Variants in FSTL4 observed in about 807,000 individuals in gnomAD.
The protein encoded by FSTL4 is follistatin like 4, also known as follistatin-related protein 4.
FSTL4 carries 28 observed loss-of-function variants against 78.2 expected under a neutral mutation model. The observed-to-expected ratio is 0.36, with a 90% CI of 0.27 to 0.49. The LOEUF is 0.49. Among genes scored for constraint, FSTL4 ranks in the 20% least tolerant of loss-of-function variants. The pLI is 0.98. For missense variants in FSTL4, 922 were observed against 1,084.9 expected (o/e 0.85, Z 2.11); for synonymous variants, 422 against 440.5 (o/e 0.96, Z 0.53).
intron 14 of FSTL4, among the ~76,000 whole-genome samples, chr5:133,204,354 C>T (rs1750424396): frequency 1.3e-5 from 2 of 152,188 alleles, no homozygotes; most frequent in African/African-American, 4.8e-5. Context: ...ACAAATCCTT[C>T]AGTGTTGGAT....
the FSTL4 span, among the ~76,000 whole-genome samples, chr5:133,761,343 A>G: frequency 1.3e-5 from 2 of 152,184 alleles, no homozygotes; most frequent in African/African-American, 2.4e-5. Flanking sequence ...TAGGACAAAT[A>G]CAGGGTAGGC....
At chr5:133,291,830 T>A (rs1322880930) in intron 6 of FSTL4, among the ~76,000 whole-genome samples, 1 of 151,474 alleles carries the variant, frequency 6.6e-6, no homozygotes, top group Non-Finnish European at 1.5e-5. Context: ...GGCCATGGAG[T>A]TGATGAGAAG....
intron 4 of FSTL4, among the ~76,000 whole-genome samples, chr5:133,382,300 C>T (rs1022188334): frequency 6.6e-6 from 1 of 152,202 alleles, no homozygotes; most frequent in African/African-American, 2.4e-5. Context: ...GGATGTACTG[C>T]GTGAGTGAGA....
intron 4 of FSTL4, among the ~76,000 whole-genome samples, chr5:133,329,866 C>T (rs1754302086): frequency 6.6e-6 from 1 of 152,218 alleles, no homozygotes; most frequent in Admixed American, 6.5e-5. Context: ...AGCAAAACAT[C>T]TGGTTACTAT....
rs1750944868 is a variant in FSTL4 at position 133,217,391 on chromosome 5, T to C, written c.1459-13A>G. The C allele has an allele frequency of 1.9e-6, 3 of 1,613,346 alleles. No individual in the cohort carries two copies. Among genetic ancestry groups the C allele is most frequent in the African/African-American group, 2.7e-5 (2 of 75,044 alleles). On this transcript the variant is annotated splice_polypyrimidine_tract_variant and intron_variant, in intron 12 of 15. Coordinates refer to ENST00000265342, the MANE Select transcript of FSTL4 (RefSeq NM_015082.2). ...GACAGATTTCTTCCTGCAAAGGAGATAGGCTGTCATATATCTTCTTAATTG... is the reference window on the plus strand; with the variant it reads ...GACAGATTTCTTCCTGCAAAGGAGACAGGCTGTCATATATCTTCTTAATTG...
At chr5:133,809,867 A>G in the FSTL4 span, among the ~76,000 whole-genome samples, 1 of 152,222 alleles carries the variant, frequency 6.6e-6, no homozygotes, top group Admixed American at 6.5e-5. Context: ...CAACCAGTCC[A>G]GAGACATTAA....
At chr5:133,442,031 A>G (rs1295384751) in intron 3 of FSTL4, among the ~76,000 whole-genome samples, 1 of 152,196 alleles carries the variant, frequency 6.6e-6, no homozygotes, top group Non-Finnish European at 1.5e-5. Flanking sequence ...GCGAAATCCC[A>G]TTCTGTGGAT....
chr5:133,827,487 G>A, the FSTL4 span, among the ~76,000 whole-genome samples: 3 of 152,108 alleles, frequency 2.0e-5, no homozygotes, highest in Non-Finnish European at 2.9e-5. Flanking sequence ...AGTTTCTGAC[G>A]AGGAGGATTG....
the FSTL4 span, among the ~76,000 whole-genome samples, chr5:133,757,029 C>T: frequency 1.3e-5 from 2 of 152,170 alleles, no homozygotes; most frequent in African/African-American, 2.4e-5. Flanking sequence ...ATATCTGGCT[C>T]GCCATGCTTA....
At chr5:133,562,762 C>T (rs920603636) in intron 3 of FSTL4, among the ~76,000 whole-genome samples, 4 of 152,216 alleles carry the variant, frequency 2.6e-5, no homozygotes, top group African/African-American at 9.6e-5. Context: ...GCTTACAGAT[C>T]GTCCTATGCT....
At chr5:133,344,327 T>A (rs1754651409) in intron 4 of FSTL4, among the ~76,000 whole-genome samples, 1 of 152,226 alleles carries the variant, frequency 6.6e-6, no homozygotes, top group African/African-American at 2.4e-5. Context: ...TTTTACCTCA[T>A]TACATTCTGT....
At chr5:133,644,995 T>A in the FSTL4 span, among the ~76,000 whole-genome samples, 1 of 152,150 alleles carries the variant, frequency 6.6e-6, no homozygotes, top group Non-Finnish European at 1.5e-5. Context: ...TCTGTGAATG[T>A]TATTTCCTCC....
the FSTL4 span, among the ~76,000 whole-genome samples, chr5:133,704,921 G>T: frequency 6.6e-6 from 1 of 152,238 alleles, no homozygotes; most frequent in Non-Finnish European, 1.5e-5. Context: ...ACATGAAAAC[G>T]CATTTGCCTG....
At chr5:133,789,241 G>A in the FSTL4 span, among the ~76,000 whole-genome samples, 8 of 152,288 alleles carry the variant, frequency 5.3e-5, no homozygotes, top group African/African-American at 1.2e-4. Flanking sequence ...ATCTGCATCC[G>A]AAGGGAACCT....
intron 3 of FSTL4, among the ~76,000 whole-genome samples, chr5:133,448,535 G>A (rs988895940): frequency 3.9e-5 from 6 of 152,218 alleles, no homozygotes; most frequent in African/African-American, 1.2e-4. Context: ...GCACACAGAA[G>A]TTAAAGGGCG....
intron 3 of FSTL4, among the ~76,000 whole-genome samples, chr5:133,420,282 GT>G (rs1272846217): frequency 6.6e-6 from 1 of 152,146 alleles, no homozygotes; most frequent in Non-Finnish European, 1.5e-5. Flanking sequence ...CATTTTCTAG[GT>G]TGATAGCAAT....
chr5:133,441,965 G>C (rs1757167247), intron 3 of FSTL4, among the ~76,000 whole-genome samples: 1 of 152,226 alleles, frequency 6.6e-6, no homozygotes, highest in Non-Finnish European at 1.5e-5. Flanking sequence ...TGAGTTGCTG[G>C]CATTGTACCC....
chr5:133,406,921 C>T (rs1756378594), intron 3 of FSTL4, among the ~76,000 whole-genome samples: 2 of 152,196 alleles, frequency 1.3e-5, no homozygotes, highest in Non-Finnish European at 2.9e-5. Context: ...GGTGGTAGAG[C>T]CTAGCTTTGA....
At chr5:133,210,051 T>C in intron 14 of FSTL4, 140 bp downstream of exon 14, 1 of 576,870 alleles carries the variant, frequency 1.7e-6, no homozygotes, top group Non-Finnish European at 3.2e-6. Flanking sequence ...GGCTGTTTCC[T>C]ACTCTCTCCT....
Sources: gnomAD v4.1 joint callset for allele counts (sites outside exome capture counted in the v4.1 genomes callset) on GRCh38, gnomAD v4.1.1 for gene constraint, MANE v1.5 for transcripts, NCBI Gene and HGNC (gene_info 2026-07-23, HGNC 2026-07-21) for gene names.